Variants in GPATCH2 observed in about 807,000 individuals in gnomAD.
The protein encoded by GPATCH2 is G patch domain-containing protein 2.
In GPATCH2, 51 loss-of-function variants were observed where a neutral mutation model predicts 58.0. The ratio of observed to expected loss-of-function variants is 0.88; its 90% CI spans 0.70 to 1.11. GPATCH2 has a LOEUF of 1.11. Ranked by LOEUF, GPATCH2 falls within the 50% of genes most tolerant of loss-of-function variation. The probability of loss-of-function intolerance (pLI) is 0.00; values close to 1 mark genes in which losing one functional copy is unlikely to be tolerated. For missense variants in GPATCH2, 625 were observed against 652.2 expected (o/e 0.96, Z 0.45); for synonymous variants, 222 against 218.5 (o/e 1.02, Z -0.14).
At chr1:217,523,901 C>T (rs1663638936) in intron 5 of GPATCH2, among the ~76,000 whole-genome samples, 1 of 113,358 alleles carries the variant, frequency 8.8e-6, no homozygotes, top group Non-Finnish European at 2.1e-5. Flanking sequence ...GGGCGGGGGG[C>T]TGACCCCCAC....
intron 8 of GPATCH2, among the ~76,000 whole-genome samples, chr1:217,463,284 C>T (rs1410741503): frequency 6.6e-6 from 1 of 152,106 alleles, no homozygotes; most frequent in Admixed American, 6.6e-5. Context: ...CATAGTTTCT[C>T]AAGCTGATTT....
rs565204577 is a variant in GPATCH2, at chr1:217,629,866, G to A, written c.56+1050C>T. 3.3e-4 allele frequency among the ~76,000 whole-genome samples: 50 copies of A among 152,272 alleles called. 2 individuals are homozygous for A. Among genetic ancestry groups the A allele is most frequent in the African/African-American group, 1.0e-3 (43 of 41,564 alleles). On this transcript the variant is annotated intron_variant, in intron 1 of 9. Transcript: ENST00000366935. The stretch of plus-strand genomic sequence containing the variant: ...ACTACAGGATGATCAGGTCCAACTA[G>A]AAATATTTTGGATAAGGTATTCTTT...
chr1:217,582,962 T>C (rs1667143682), intron 5 of GPATCH2, among the ~76,000 whole-genome samples: 1 of 152,204 alleles, frequency 6.6e-6, no homozygotes, highest in Non-Finnish European at 1.5e-5. Flanking sequence ...GCTAACCTTA[T>C]TACAAAAGCA....
intron 1 of GPATCH2, among the ~76,000 whole-genome samples, chr1:217,627,421 A>G (rs1669521947): frequency 1.3e-5 from 2 of 151,888 alleles, no homozygotes; most frequent in South Asian, 4.1e-4. Flanking sequence ...AAGTTCATGG[A>G]CTCCTTGAAG....
At chr1:217,527,420 A>C (rs945506277) in intron 5 of GPATCH2, among the ~76,000 whole-genome samples, 2 of 151,962 alleles carry the variant, frequency 1.3e-5, no homozygotes, top group African/African-American at 4.8e-5. Context: ...CTCAGTTGGC[A>C]TGTGCCTTGT....
intron 6 of GPATCH2, among the ~76,000 whole-genome samples, chr1:217,500,384 C>T (rs962033038): frequency 6.6e-6 from 1 of 151,972 alleles, no homozygotes; most frequent in Non-Finnish European, 1.5e-5. Flanking sequence ...ACTTCCTTGG[C>T]TCTCACTGGG....
intron 7 of GPATCH2, among the ~76,000 whole-genome samples, chr1:217,496,758 G>A (rs1287140551): frequency 6.6e-6 from 1 of 152,152 alleles, no homozygotes; most frequent in Non-Finnish European, 1.5e-5. Context: ...GGGGCTCAAA[G>A]AAACCTAACC....
At chr1:217,515,385 C>T (rs1198438948) in intron 5 of GPATCH2, among the ~76,000 whole-genome samples, 4 of 152,054 alleles carry the variant, frequency 2.6e-5, no homozygotes, top group African/African-American at 4.8e-5. Context: ...TGTGAGCCAC[C>T]GCGCCCGACT....
chr1:217,623,292 T>G (rs1669291658), intron 1 of GPATCH2, among the ~76,000 whole-genome samples: 1 of 152,152 alleles, frequency 6.6e-6, no homozygotes, highest in Non-Finnish European at 1.5e-5. Flanking sequence ...AAAGTCAGTT[T>G]AGTTTGGATA....
At chr1:217,440,926 C>A (rs148525960) in intron 9 of GPATCH2, among the ~76,000 whole-genome samples, 4 of 152,020 alleles carry the variant, frequency 2.6e-5, no homozygotes, top group Admixed American at 2.6e-4. Context: ...AAAATGGCCA[C>A]GCTGCCCAAG....
intron 8 of GPATCH2, among the ~76,000 whole-genome samples, chr1:217,459,413 A>G (rs975276238): frequency 1.3e-5 from 2 of 152,180 alleles, no homozygotes; most frequent in Admixed American, 6.5e-5. Context: ...GTAGAATCTG[A>G]TATTTGAGGC....
intron 9 of GPATCH2, among the ~76,000 whole-genome samples, chr1:217,442,813 G>A (rs1450764200): frequency 1.3e-5 from 2 of 152,124 alleles, no homozygotes; most frequent in Non-Finnish European, 2.9e-5. Context: ...TTTAACAGAT[G>A]TAGTTTCTCC....
intron 6 of GPATCH2, among the ~76,000 whole-genome samples, chr1:217,507,054 G>A (rs1157081489): frequency 2.6e-5 from 4 of 152,190 alleles, no homozygotes; most frequent in Non-Finnish European, 4.4e-5. Flanking sequence ...TGAGTAATGT[G>A]AGAACCACAA....
At chr1:217,496,147 G>C (rs1025743535) in intron 7 of GPATCH2, among the ~76,000 whole-genome samples, 2 of 152,142 alleles carry the variant, frequency 1.3e-5, no homozygotes, top group African/African-American at 4.8e-5. Context: ...GTTGAACTAA[G>C]AAATTATTAT....
intron 1 of GPATCH2, among the ~76,000 whole-genome samples, chr1:217,625,895 A>T (rs1312094297): frequency 6.6e-6 from 1 of 152,076 alleles, no homozygotes; most frequent in African/African-American, 2.4e-5. Context: ...GAGGCAGGAG[A>T]ATTGCTCCAA....
chr1:217,438,656 C>T (rs528536761), intron 9 of GPATCH2, among the ~76,000 whole-genome samples: 1 of 151,788 alleles, frequency 6.6e-6, no homozygotes, highest in African/African-American at 2.4e-5. Flanking sequence ...AGCATGAAGA[C>T]AAGATTAGAG....
At chr1:217,446,877 T>A (rs1043261996) in intron 9 of GPATCH2, among the ~76,000 whole-genome samples, 14 of 152,212 alleles carry the variant, frequency 9.2e-5, no homozygotes, top group Admixed American at 7.2e-4. Context: ...CAGAAATAAT[T>A]ATATTATCCG....
In GPATCH2 at chr1:217,559,873, G is replaced by GA. The variant is rs1665833015; in HGVS notation, c.1099-44985_1099-44984insT. 2.9e-4 allele frequency among the ~76,000 whole-genome samples: 42 copies of GA among 143,128 alleles called. No individual in the cohort carries two copies. In the East Asian group the frequency reaches 3.9e-3, roughly 13 times the overall value. 93.9% of individuals were successfully genotyped at this position (143,128 alleles called of 152,430 possible). A position where few individuals can be genotyped will look rare whatever the true frequency, so the allele number is the denominator to read the frequency against. On this transcript the variant is annotated intron_variant, in intron 5 of 9. Transcript: ENST00000366935. ...GATCAAGAGACACAAAAATCCAGAG[G>GA]GAGAGAGAGAGAGAGAGAGAGAGAG...
At chr1:217,562,525 G>A (rs1426188244) in intron 5 of GPATCH2, among the ~76,000 whole-genome samples, 4 of 152,168 alleles carry the variant, frequency 2.6e-5, no homozygotes, top group Non-Finnish European at 5.9e-5. Flanking sequence ...TTTAAGGATA[G>A]AAAGAGAAAT....
Sources: gnomAD v4.1 joint callset for allele counts (sites outside exome capture counted in the v4.1 genomes callset) on GRCh38, gnomAD v4.1.1 for gene constraint, MANE v1.5 for transcripts, NCBI Gene and HGNC (gene_info 2026-07-23, HGNC 2026-07-21) for gene names.